The following CGRRF1 variants were observed in gnomAD, a reference collection of about 807,000 sequenced individuals.
CGRRF1 encodes cell growth regulator with ring finger domain 1, also known as cell growth regulator with RING finger domain protein 1.
In CGRRF1, 32 loss-of-function variants were observed where a neutral mutation model predicts 37.2. The observed-to-expected ratio is 0.86, with a 90% confidence interval of 0.65 to 1.16. CGRRF1 has a LOEUF of 1.16. Ranked by LOEUF, CGRRF1 falls within the 50% of genes most tolerant of loss-of-function variation. The pLI, the probability that CGRRF1 is intolerant of heterozygous loss-of-function variation, is 0.00. For missense variants in CGRRF1, 391 were observed against 382.6 expected, an observed-to-expected ratio of 1.02 and a Z score of -0.18; for synonymous variants, 141 against 140.3, an observed-to-expected ratio of 1.00 and a Z score of -0.04.
intron 1 of CGRRF1, among the ~76,000 whole-genome samples, chr14:54,521,564 G>A (rs2032317579): frequency 6.6e-6 from 1 of 151,304 alleles, no homozygotes; most frequent in Admixed American, 6.6e-5. Flanking sequence ...GAGTCCAGTG[G>A]CACGATCTCG....
chr14:54,534,701 T>C (rs2032572781), intron 4 of CGRRF1, among the ~76,000 whole-genome samples: 1 of 152,126 alleles, frequency 6.6e-6, no homozygotes, highest in Non-Finnish European at 1.5e-5. Context: ...GTTCTCCCAT[T>C]TATGTATGTA....
chr14:54,534,340 G>T (rs1257550408), intron 4 of CGRRF1, among the ~76,000 whole-genome samples: 2 of 152,078 alleles, frequency 1.3e-5, no homozygotes, highest in African/African-American at 2.4e-5. Flanking sequence ...GGCCAGGTTG[G>T]TCTTGAACTC....
At position 54,522,375 on chromosome 14, in the gene CGRRF1, T is replaced by G. The variant is rs111764365; in HGVS notation, c.105-79T>G. 4,277 of 1,020,138 alleles carry G rather than the reference T, an allele frequency of 4.2e-3. 16 individuals are homozygous for G. Among genetic ancestry groups the G allele is most frequent in the Non-Finnish European group, 4.4e-3 (3,219 of 735,776 alleles). The allele number at this position is 1,020,138 out of a possible 1,614,324, so 63.2% of individuals were successfully genotyped here. On this transcript the variant is annotated intron_variant, in intron 1 of 5. Transcript: ENST00000216420. ...ACTTAATGCTAAAAGGAATCGCTAATGAAGCACAACAGATTTTACACATAA... is the reference window on the plus strand; with the variant it reads ...ACTTAATGCTAAAAGGAATCGCTAAGGAAGCACAACAGATTTTACACATAA...
chr14:54,533,323 A>T (rs1315999477), intron 4 of CGRRF1, among the ~76,000 whole-genome samples: 1 of 152,072 alleles, frequency 6.6e-6, no homozygotes, highest in Admixed American at 6.6e-5. Flanking sequence ...TTGTTCCCAT[A>T]GGGAAGCCTG....
At chr14:54,517,531 C>T (rs1167402258) in intron 1 of CGRRF1, among the ~76,000 whole-genome samples, 1 of 152,104 alleles carries the variant, frequency 6.6e-6, no homozygotes, top group African/African-American at 2.4e-5. Flanking sequence ...TGTTTTGTTA[C>T]TTTTCTCCCT....
At chr14:54,512,982 C>T (rs944987858) in intron 1 of CGRRF1, among the ~76,000 whole-genome samples, 1 of 152,118 alleles carries the variant, frequency 6.6e-6, no homozygotes, top group Non-Finnish European at 1.5e-5. Context: ...CCTCTTTTTG[C>T]CTTTTCAGTT....
In CGRRF1 at chr14:54,522,491, G is replaced by A. The variant is rs1281278028; in HGVS notation, c.142G>A (p.Glu48Lys). Residue 48 changes from glutamate to lysine, a missense_variant, in exon 2 of 6, where the codon GAA (glutamate) becomes AAA (lysine). Coordinates refer to ENST00000216420, the MANE Select transcript of CGRRF1 (RefSeq NM_006568.3). The part of the protein sequence containing the change: ...WDVPVILRNS[E>K]ETQFSTRVFK... ...TGTTCCAGTAATTCTGAGAAATTCAGAAGAGACCCAGTTCAGCACAAGAGT... is the reference window on the plus strand; with the variant it reads ...TGTTCCAGTAATTCTGAGAAATTCAAAAGAGACCCAGTTCAGCACAAGAGT... The A allele has an allele frequency of 6.3e-7, 1 of 1,598,214 alleles. No homozygotes were observed. The highest frequency in any genetic ancestry group is 8.5e-7 in the Non-Finnish European group (1 of 1,174,870).
chr14:54,526,173 G>A (rs1273860421), intron 2 of CGRRF1, among the ~76,000 whole-genome samples: 6 of 128,116 alleles, frequency 4.7e-5, no homozygotes, highest in Admixed American at 1.7e-4. Flanking sequence ...TTTTTGAGAC[G>A]GAGTCTCGCT....
At chr14:54,530,021 T>C (rs2140063965) in intron 2 of CGRRF1, 28 bp from the exon 3 acceptor site, 2 of 1,577,082 alleles carry the variant, frequency 1.3e-6, no homozygotes, top group South Asian at 1.1e-5. Context: ...TTAAATCACT[T>C]TCATTCTTTC....
At chr14:54,526,644 G>C (rs1484776840) in intron 2 of CGRRF1, among the ~76,000 whole-genome samples, 1 of 152,126 alleles carries the variant, frequency 6.6e-6, no homozygotes, top group African/African-American at 2.4e-5. Context: ...GATACTCAGT[G>C]TATATAAGTT....
intron 2 of CGRRF1, among the ~76,000 whole-genome samples, chr14:54,527,771 T>C (rs1730699309): frequency 6.6e-6 from 1 of 151,520 alleles, no homozygotes; most frequent in Non-Finnish European, 1.5e-5. Flanking sequence ...TTTTTTTTCT[T>C]TTTTTGAAAC....
At chr14:54,535,464 C>T (rs541977097) in intron 4 of CGRRF1, among the ~76,000 whole-genome samples, 1 of 152,046 alleles carries the variant, frequency 6.6e-6, no homozygotes, top group Admixed American at 6.6e-5. Context: ...AGTTTTACAT[C>T]TGCAGCCAGT....
At chr14:54,518,081 A>G (rs145960911) in intron 1 of CGRRF1, among the ~76,000 whole-genome samples, 89 of 152,298 alleles carry the variant, frequency 5.8e-4, no homozygotes, top group African/African-American at 2.1e-3. Context: ...GCTGAAATTA[A>G]TATATGCATG....
At chr14:54,530,353 C>T (rs1271410466) in intron 3 of CGRRF1, 127 bp downstream of exon 3, 15 of 1,263,134 alleles carry the variant, frequency 1.2e-5, no homozygotes, top group Admixed American at 2.0e-5. Context: ...AAGCACTCCT[C>T]AAGCATTAGA....
At chr14:54,531,221 G>A in intron 4 of CGRRF1, 171 bp downstream of exon 4, 1 of 559,750 alleles carries the variant, frequency 1.8e-6, no homozygotes, top group East Asian at 3.0e-5. Flanking sequence ...TTCAGATTAT[G>A]ACTCATTTCT....
intron 2 of CGRRF1, among the ~76,000 whole-genome samples, chr14:54,526,807 A>G (rs1233052626): frequency 6.6e-6 from 1 of 152,234 alleles, no homozygotes; most frequent in Non-Finnish European, 1.5e-5. Flanking sequence ...GTGAACCTCC[A>G]TTCTCTACAA....
intron 5 of CGRRF1, 108 bp downstream of exon 5, chr14:54,537,937 ATAAC>A: frequency 6.7e-7 from 1 of 1,496,892 alleles, no homozygotes; most frequent in East Asian, 2.5e-5. Context: ...ATTACAGAAG[ATAAC>A]TAACTGTTCT....
chr14:54,516,632 C>T (rs1436547751), intron 1 of CGRRF1, among the ~76,000 whole-genome samples: 1 of 151,796 alleles, frequency 6.6e-6, no homozygotes, highest in East Asian at 1.9e-4. Flanking sequence ...TTATTATGTG[C>T]CTTAGGTAAT....
intron 4 of CGRRF1, chr14:54,536,405 A>G (rs990927850): frequency 6.6e-6 from 1 of 152,162 alleles, no homozygotes; most frequent in Non-Finnish European, 1.5e-5. Flanking sequence ...AATAATTCAT[A>G]TATACATATC....
Sources: gnomAD v4.1 joint callset for allele counts (sites outside exome capture counted in the v4.1 genomes callset) on GRCh38, gnomAD v4.1.1 for gene constraint, MANE v1.5 for transcripts, NCBI Gene and HGNC (gene_info 2026-07-23, HGNC 2026-07-21) for gene names.